PYHIN1: variants seen among roughly 807,000 people sequenced by gnomAD.
The protein encoded by PYHIN1 is pyrin and HIN domain family member 1, also known as pyrin and HIN domain-containing protein 1.
A neutral mutation model predicts 43.7 loss-of-function variants in PYHIN1; 32 were observed. That is an observed-to-expected ratio of 0.73 (90% confidence interval 0.55 to 0.98). PYHIN1 has a LOEUF of 0.98. Among genes scored for constraint, PYHIN1 ranks in the 50% least tolerant of loss-of-function variants. PYHIN1 has a pLI of 0.00. For synonymous variants in PYHIN1, 205 were observed against 203.1 expected (o/e 1.01, Z -0.08); for missense variants, 588 against 589.5 (o/e 1.00, Z 0.03).
chr1:158,988,885 G>A, the PYHIN1 span, among the ~76,000 whole-genome samples: 12 of 152,128 alleles, frequency 7.9e-5, no homozygotes, highest in Admixed American at 2.0e-4. Context: ...ACCCCCACTG[G>A]GGCTGGATAA....
chr1:158,952,374 A>G (rs1649595387), intron 7 of PYHIN1, among the ~76,000 whole-genome samples: 1 of 18,880 alleles, frequency 5.3e-5, no homozygotes, highest in South Asian at 3.9e-3. Flanking sequence ...ATCTTTTTAT[A>G]AGCGTTAAAA....
chr1:158,947,882 C>T (rs1375467616), intron 7 of PYHIN1, among the ~76,000 whole-genome samples: 2 of 152,176 alleles, frequency 1.3e-5, no homozygotes, highest in Non-Finnish European at 2.9e-5. Context: ...AGATAAACTA[C>T]CTCCTTTGTA....
At chr1:158,989,697 T>C in the PYHIN1 span, among the ~76,000 whole-genome samples, 1 of 152,220 alleles carries the variant, frequency 6.6e-6, no homozygotes, top group Non-Finnish European at 1.5e-5. Context: ...AAGTCAACCC[T>C]GCTGACCTCT....
downstream of PYHIN1, among the ~76,000 whole-genome samples, chr1:158,978,727 T>C (rs1446133444): frequency 6.6e-6 from 1 of 152,140 alleles, no homozygotes; most frequent in Non-Finnish European, 1.5e-5. Flanking sequence ...GACAGTCATG[T>C]CTGTAAATGA....
intron 7 of PYHIN1, among the ~76,000 whole-genome samples, chr1:158,972,875 T>A (rs990179373): frequency 6.6e-6 from 1 of 152,102 alleles, no homozygotes; most frequent in African/African-American, 2.4e-5. Context: ...AATTATAGTA[T>A]ATTTTCAACC....
chr1:158,967,093 G>A (rs2101723128), intron 7 of PYHIN1, among the ~76,000 whole-genome samples: 1 of 152,084 alleles, frequency 6.6e-6, no homozygotes, highest in South Asian at 2.1e-4. Context: ...AGTCAAAACA[G>A]GAATGCAATT....
Position 158,939,118 on chromosome 1 carries a change from A to G in PYHIN1, c.450A>G (p.Lys150=). 1 of 1,607,614 alleles carries G rather than the reference A, an allele frequency of 6.2e-7. No homozygotes were observed. Among genetic ancestry groups the G allele is most frequent in the Non-Finnish European group, 8.5e-7 (1 of 1,178,356 alleles). ...KKPSEEETGT[K]RSKMSKEQTR... ...CATCTGAAGAAGAGACTGGAACCAA[A>G]AGGAGTAAGATGTCCAAAGAGCAGA... The change falls in exon 4 of 9, where the codon AAA becomes AAG. Residue 150 remains lysine, a synonymous_variant. Coordinates refer to ENST00000368140, the MANE Select transcript of PYHIN1 (RefSeq NM_152501.5).
intron 7 of PYHIN1, 130 bp from the exon 8 acceptor site, chr1:158,973,505 TCACACACACACA>T (rs144676333): frequency 8.5e-5 from 41 of 483,370 alleles, no homozygotes; most frequent in Non-Finnish European, 1.4e-4. Context: ...AAAGGGATTT[TCACACACACACA>T]CACACACACA....
chr1:158,975,446 C>T (rs1259579883), intron 8 of PYHIN1, among the ~76,000 whole-genome samples: 1 of 152,052 alleles, frequency 6.6e-6, no homozygotes, highest in Non-Finnish European at 1.5e-5. Flanking sequence ...ATCACTACAA[C>T]TTTATCTGGG....
chr1:158,972,034 G>A (rs1443187366), intron 7 of PYHIN1, among the ~76,000 whole-genome samples: 1 of 151,914 alleles, frequency 6.6e-6, no homozygotes, highest in Non-Finnish European at 1.5e-5. Context: ...AGATATAGAG[G>A]CAGATACATA....
At chr1:158,951,533 A>T (rs1032520896) in intron 7 of PYHIN1, among the ~76,000 whole-genome samples, 7 of 152,198 alleles carry the variant, frequency 4.6e-5, no homozygotes, top group Non-Finnish European at 8.8e-5. Flanking sequence ...AGTGCTAGTA[A>T]ACCCAGATCG....
chr1:158,973,273 A>C (rs1247470160), intron 7 of PYHIN1, among the ~76,000 whole-genome samples: 4 of 151,978 alleles, frequency 2.6e-5, no homozygotes, highest in African/African-American at 7.2e-5. Flanking sequence ...CCCAAAGTTC[A>C]TATTTTCCTG....
chr1:158,988,469 G>C, the PYHIN1 span, among the ~76,000 whole-genome samples: 1 of 152,118 alleles, frequency 6.6e-6, no homozygotes, highest in Admixed American at 6.5e-5. Context: ...TGATCTTTTA[G>C]AATAAACATG....
At chr1:158,953,038 T>A (rs1478971963) in intron 7 of PYHIN1, among the ~76,000 whole-genome samples, 2 of 152,190 alleles carry the variant, frequency 1.3e-5, no homozygotes, top group African/African-American at 4.8e-5. Flanking sequence ...TATTGCGCTT[T>A]TCGGACCGGC....
Position 158,937,104 on chromosome 1 carries a change from T to A in PYHIN1, c.194T>A (p.Leu65Gln), listed in dbSNP as rs754795668. ...KFPGDAGLGKLIEFFKEIPTL... is the reference protein window; with the variant it reads ...KFPGDAGLGKQIEFFKEIPTL... ...CCAGGTGATGCCGGTTTGGGCAAAC[T>A]AATAGAATTCTTCAAAGAAATACCA... The change falls in exon 2 of 9, where the codon CTA becomes CAA. Residue 65 changes from leucine to glutamine, a missense_variant. Leu to Gln is a moderately radical substitution (Grantham distance 113). Transcript: ENST00000368140. 3 of 1,613,280 alleles carry A rather than the reference T, an allele frequency of 1.9e-6. No homozygotes were observed. In the South Asian group the frequency reaches 3.3e-5, roughly 18 times the overall value.
chr1:158,938,618 C>G, intron 3 of PYHIN1, 76 bp downstream of exon 3: 2 of 1,441,070 alleles, frequency 1.4e-6, no homozygotes, highest in Non-Finnish European at 9.4e-7. Flanking sequence ...TCAATCTGTC[C>G]AGCAGGCAGT....
chr1:158,937,225 C>T (rs1160930514), intron 2 of PYHIN1, 50 bp downstream of exon 2: 2 of 1,511,534 alleles, frequency 1.3e-6, no homozygotes, highest in African/African-American at 2.8e-5. Flanking sequence ...CCCACCCTTC[C>T]CAACCTTGAT....
chr1:158,939,250 A>C lies in PYHIN1; in HGVS notation c.579+3A>C. On this transcript the variant is annotated splice_donor_region_variant and intron_variant, in intron 4 of 8. Coordinates refer to ENST00000368140, the MANE Select transcript of PYHIN1 (RefSeq NM_152501.5). ...CACCCAACACTTCCTCAACTGAGGT[A>C]CACTCTTCCTGGTCCCCTTTTGATT... The C allele has an allele frequency of 1.3e-5, 20 of 1,594,264 alleles. No individual in the cohort carries two copies. Among genetic ancestry groups the C allele is most frequent in the Non-Finnish European group, 1.7e-5 (20 of 1,170,108 alleles).
the PYHIN1 span, among the ~76,000 whole-genome samples, chr1:158,984,805 G>T: frequency 6.6e-6 from 1 of 152,172 alleles, no homozygotes; most frequent in Non-Finnish European, 1.5e-5. Context: ...AGGTCTCTAA[G>T]AACTTGTTTT....
Sources: allele counts gnomAD v4.1 joint callset (sites outside exome capture counted in the v4.1 genomes callset), GRCh38; gene constraint gnomAD v4.1.1; transcripts MANE v1.5; gene names NCBI Gene and HGNC (gene_info 2026-07-23, HGNC 2026-07-21).